The following PTPRT variants were observed in gnomAD, a reference collection of about 807,000 sequenced individuals.
The protein encoded by PTPRT is protein tyrosine phosphatase receptor type T, also known as receptor-type tyrosine-protein phosphatase T.
Under a neutral mutation model 176.8 loss-of-function variants are expected in PTPRT, and 56 were observed. The ratio of observed to expected loss-of-function variants is 0.32; its 90% CI spans 0.26 to 0.40. PTPRT has a LOEUF of 0.40. Among genes scored for constraint, PTPRT ranks in the 10% least tolerant of loss-of-function variants. The pLI is 1.00. For synonymous variants in PTPRT, 783 were observed against 739.0 expected, an observed-to-expected ratio of 1.06 and a Z score of -0.96; for missense variants, 1,540 against 1,908.2, an observed-to-expected ratio of 0.81 and a Z score of 3.60.
chr20:42,540,054 T>C (rs114753345), intron 7 of PTPRT, among the ~76,000 whole-genome samples: 1,736 of 152,258 alleles, frequency 0.011, 39 homozygotes, highest in African/African-American at 0.04. Flanking sequence ...CAGCCCACCA[T>C]GTGCTCAACC....
intron 1 of PTPRT, among the ~76,000 whole-genome samples, chr20:43,138,236 G>C (rs756802903): frequency 6.6e-6 from 1 of 152,224 alleles, no homozygotes; most frequent in South Asian, 2.1e-4. Context: ...CACAGGGTCT[G>C]AAACAGCCTT....
chr20:42,084,073 C>T (rs532916593), intron 29 of PTPRT, among the ~76,000 whole-genome samples: 1 of 152,316 alleles, frequency 6.6e-6, no homozygotes, highest in South Asian at 2.1e-4. Context: ...TGTCTAATTC[C>T]ACATACCCAA....
intron 1 of PTPRT, among the ~76,000 whole-genome samples, chr20:43,053,428 T>C (rs1445197589): frequency 6.6e-6 from 1 of 152,184 alleles, no homozygotes; most frequent in Non-Finnish European, 1.5e-5. Context: ...GCAGAGCTGA[T>C]TACAACCCAT....
intron 1 of PTPRT, among the ~76,000 whole-genome samples, chr20:43,183,565 T>C (rs1266067743): frequency 6.6e-6 from 1 of 152,238 alleles, no homozygotes; most frequent in Admixed American, 6.5e-5. Flanking sequence ...CAGGGTACTA[T>C]TCTATACCTT....
At chr20:42,296,711 C>T (rs1251067200) in intron 12 of PTPRT, among the ~76,000 whole-genome samples, 1 of 152,108 alleles carries the variant, frequency 6.6e-6, no homozygotes, top group Admixed American at 6.5e-5. Flanking sequence ...AGACAAGACC[C>T]AACTACCTTC....
chr20:42,718,783 T>TTTACATTA, intron 6 of PTPRT, among the ~76,000 whole-genome samples: 1 of 152,322 alleles, frequency 6.6e-6, no homozygotes, highest in South Asian at 2.1e-4. Flanking sequence ...CAGGATGTTG[T>TTTACATTA]TTACATTATT....
chr20:43,185,421 G>C (rs180928169), intron 1 of PTPRT, among the ~76,000 whole-genome samples: 1 of 152,272 alleles, frequency 6.6e-6, no homozygotes, highest in Non-Finnish European at 1.5e-5. Flanking sequence ...GTGTAGGAAG[G>C]GAAACAGAAT....
Position 43,070,224 on chromosome 20 carries a change from G to A in PTPRT, c.88+119422C>T, listed in dbSNP as rs146605064. On this transcript the variant is annotated intron_variant, in intron 1 of 30. Transcript: ENST00000373187. ...AGGTGACCAGCCCCAGATGCTGTGG[G>A]CTCACAGCTTCCTCCTTCTCCAAAG... 9.8e-5 allele frequency among the ~76,000 whole-genome samples: 15 copies of A among 152,300 alleles called. No homozygotes were observed. The East Asian group carries it at 2.1e-3, about 22-fold the overall frequency.
chr20:42,792,249 G>A (rs1191320682), intron 2 of PTPRT, among the ~76,000 whole-genome samples: 2 of 152,192 alleles, frequency 1.3e-5, no homozygotes, highest in Non-Finnish European at 2.9e-5. Context: ...TACAATCAAT[G>A]CACAGTTCCA....
At chr20:42,325,013 T>C (rs971764285) in intron 11 of PTPRT, among the ~76,000 whole-genome samples, 14 of 152,204 alleles carry the variant, frequency 9.2e-5, no homozygotes, top group Admixed American at 1.3e-4. Context: ...TGGGTGATGA[T>C]AGCTCAATAA....
intron 2 of PTPRT, among the ~76,000 whole-genome samples, chr20:42,878,070 G>C (rs2078963547): frequency 6.6e-6 from 1 of 152,154 alleles, no homozygotes. Context: ...GGGTATATAA[G>C]GGAATACAGA....
chr20:42,454,000 G>A (rs1007319167), intron 8 of PTPRT, among the ~76,000 whole-genome samples: 5 of 151,890 alleles, frequency 3.3e-5, no homozygotes, highest in African/African-American at 1.2e-4. Context: ...CGCTCAGCCT[G>A]AATTTACTCT....
At chr20:42,867,776 G>A (rs952971226) in intron 2 of PTPRT, among the ~76,000 whole-genome samples, 3 of 143,830 alleles carry the variant, frequency 2.1e-5, no homozygotes, top group Non-Finnish European at 4.4e-5. Context: ...CCACCTCCCA[G>A]GTTTAAGCGA....
intron 1 of PTPRT, among the ~76,000 whole-genome samples, chr20:42,995,601 A>G (rs1984178221): frequency 6.6e-6 from 1 of 152,146 alleles, no homozygotes; most frequent in South Asian, 2.1e-4. Flanking sequence ...TACTGAGCAC[A>G]AAAATGTCAG....
rs972732233 is a variant in PTPRT at position 42,076,167 on chromosome 20, C to T, written c.*4712G>A. On this transcript the variant is annotated 3_prime_UTR_variant, in exon 31 of 31. Transcript: ENST00000373187. ...ATGCCTTACCCAGGAATTAATTGTG[C>T]CATAGTAATCTCGATTTCCTAATAG... 1.5e-5 allele frequency: 3 copies of T among 202,542 alleles called. No homozygotes were observed. The highest frequency in any genetic ancestry group is 3.0e-5 in the Non-Finnish European group (3 of 98,628). The allele number at this position is 202,542 out of a possible 1,614,324, so 12.5% of individuals were successfully genotyped here.
intron 13 of PTPRT, among the ~76,000 whole-genome samples, chr20:42,270,696 G>T (rs1361356518): frequency 6.6e-6 from 1 of 151,978 alleles, no homozygotes; most frequent in Non-Finnish European, 1.5e-5. Context: ...TACTTTTCTG[G>T]GTGCCTCACA....
intron 16 of PTPRT, among the ~76,000 whole-genome samples, chr20:42,192,976 C>T (rs1243001545): frequency 6.6e-6 from 1 of 152,128 alleles, no homozygotes; most frequent in African/African-American, 2.4e-5. Flanking sequence ...CACTGTTCTC[C>T]CAGCCAGAAA....
At chr20:42,056,149 G>A in the PTPRT span, among the ~76,000 whole-genome samples, 2 of 152,170 alleles carry the variant, frequency 1.3e-5, no homozygotes, top group East Asian at 3.9e-4. Flanking sequence ...AGTTTGACCT[G>A]AGATGGGCTT....
intron 3 of PTPRT, among the ~76,000 whole-genome samples, chr20:42,785,534 C>A (rs2077276682): frequency 6.6e-6 from 1 of 152,136 alleles, no homozygotes; most frequent in South Asian, 2.1e-4. Flanking sequence ...TGTTTTGAAT[C>A]TGAGAGTCTT....
Sources: allele counts gnomAD v4.1 joint callset (sites outside exome capture counted in the v4.1 genomes callset), GRCh38; gene constraint gnomAD v4.1.1; transcripts MANE v1.5; gene names NCBI Gene and HGNC (gene_info 2026-07-23, HGNC 2026-07-21).